SND1: variants seen among roughly 807,000 people sequenced by gnomAD.
The protein encoded by SND1 is staphylococcal nuclease and tudor domain containing 1.
SND1 carries 38 observed loss-of-function variants against 121.7 expected under a neutral mutation model. The ratio of observed to expected loss-of-function variants is 0.31; its 90% CI spans 0.24 to 0.41. The LOEUF (loss-of-function observed/expected upper bound fraction) is 0.41, where lower values mean the gene tolerates loss of function less well. Ranked by LOEUF, SND1 falls within the 10% of genes least tolerant of loss-of-function variation. The pLI, the probability that SND1 is intolerant of heterozygous loss-of-function variation, is 1.00. For synonymous variants in SND1, 401 were observed against 447.4 expected, an observed-to-expected ratio of 0.90 and a Z score of 1.31; for missense variants, 868 against 1,184.6, an observed-to-expected ratio of 0.73 and a Z score of 3.92.
intron 1 of SND1, among the ~76,000 whole-genome samples, chr7:127,661,805 G>A (rs2116235973): frequency 6.6e-6 from 1 of 152,118 alleles, no homozygotes; most frequent in East Asian, 1.9e-4. Flanking sequence ...AAGCAGTAGA[G>A]AGGTATGAAG....
chr7:127,985,439 G>A (rs535179352), intron 15 of SND1, among the ~76,000 whole-genome samples: 6 of 152,274 alleles, frequency 3.9e-5, no homozygotes, highest in Middle Eastern at 6.8e-3. Context: ...TGTATTTTTA[G>A]TAGAGGCGGG....
intron 1 of SND1, among the ~76,000 whole-genome samples, chr7:127,683,291 C>T (rs947908645): frequency 5.9e-5 from 9 of 152,188 alleles, no homozygotes; most frequent in Admixed American, 2.0e-4. Context: ...CCATGGCTCA[C>T]TGCAACCTTG....
At chr7:127,938,890 AT>A (rs768370660) in intron 15 of SND1, among the ~76,000 whole-genome samples, 9 of 151,882 alleles carry the variant, frequency 5.9e-5, no homozygotes, top group African/African-American at 9.7e-5. Context: ...TTATTTAATA[AT>A]TTTTTTTTAT....
At chr7:127,863,933 A>AATATACG (rs2116687680) in intron 12 of SND1, among the ~76,000 whole-genome samples, 1 of 152,276 alleles carries the variant, frequency 6.6e-6, no homozygotes, top group African/African-American at 2.4e-5. Flanking sequence ...TGGAGATAGG[A>AATATACG]ATATACGATA....
intron 12 of SND1, among the ~76,000 whole-genome samples, chr7:127,881,003 C>G (rs7809182): frequency 0.3 from 45,096 of 151,968 alleles, 7,307 homozygotes; most frequent in African/African-American, 0.4. Context: ...TGTACCACTG[C>G]AGTATAATAG....
chr7:127,759,497 A>G (rs1797262489), intron 10 of SND1, among the ~76,000 whole-genome samples: 1 of 152,046 alleles, frequency 6.6e-6, no homozygotes, highest in South Asian at 2.1e-4. Flanking sequence ...GATGAGGCTT[A>G]GTTTAAACTA....
At chr7:128,055,407 G>A (rs1308126913) in intron 16 of SND1, among the ~76,000 whole-genome samples, 1 of 152,146 alleles carries the variant, frequency 6.6e-6, no homozygotes, top group African/African-American at 2.4e-5. Flanking sequence ...GCAGAGTAAT[G>A]GCAGCAGGGG....
chr7:127,984,362 A>G (rs1270087086), intron 15 of SND1, among the ~76,000 whole-genome samples: 1 of 152,186 alleles, frequency 6.6e-6, no homozygotes, highest in Non-Finnish European at 1.5e-5. Flanking sequence ...GCTATGCTAT[A>G]CTTTGTTTAA....
Position 127,686,616 on chromosome 7 carries a change from C to T in SND1, c.82C>T (p.Leu28Phe), listed in dbSNP as rs983743859. The part of the protein sequence containing the change: ...TVQRGIIKMV[L>F]SGCAIIVRGQ... ...TCTCTTTCTTCCCCCTACGTAGGTC[C>T]TCTCAGGGTGCGCCATCATTGTCCG... Residue 28 changes from leucine to phenylalanine, a missense_variant, in exon 2 of 24, where the codon CTC (leucine) becomes TTC (phenylalanine). Leu to Phe is a conservative substitution (Grantham distance 22, BLOSUM62 0). Coordinates refer to ENST00000354725, the MANE Select transcript of SND1 (RefSeq NM_014390.4). 2.5e-6 allele frequency: 4 copies of T among 1,613,794 alleles called. No homozygotes were observed. The highest frequency in any genetic ancestry group is 3.4e-6 in the Non-Finnish European group (4 of 1,179,762).
chr7:128,024,871 CG>C (rs907579743), intron 16 of SND1, among the ~76,000 whole-genome samples: 10 of 152,070 alleles, frequency 6.6e-5, no homozygotes, highest in African/African-American at 2.4e-4. Flanking sequence ...ATTGTTGAGC[CG>C]GGTAAGCAAA....
chr7:127,815,658 A>C (rs544297378), intron 11 of SND1, among the ~76,000 whole-genome samples: 2 of 152,264 alleles, frequency 1.3e-5, no homozygotes, highest in East Asian at 3.9e-4. Flanking sequence ...ACCAGCTAGG[A>C]AGAGGCAAGG....
At chr7:127,883,954 C>CTATTT (rs1177855317) in intron 12 of SND1, among the ~76,000 whole-genome samples, 1 of 152,086 alleles carries the variant, frequency 6.6e-6, no homozygotes, top group Non-Finnish European at 1.5e-5. Context: ...TGTAAAGGTA[C>CTATTT]TATTTTACTC....
chr7:127,845,008 A>T (rs1799033491), intron 12 of SND1, among the ~76,000 whole-genome samples: 1 of 152,236 alleles, frequency 6.6e-6, no homozygotes, highest in Non-Finnish European at 1.5e-5. Context: ...ACAGTCAGCC[A>T]GTCCCCAATA....
At chr7:127,777,793 T>C (rs557797183) in intron 10 of SND1, among the ~76,000 whole-genome samples, 1 of 152,306 alleles carries the variant, frequency 6.6e-6, no homozygotes, top group African/African-American at 2.4e-5. Context: ...TTTTTTGCCT[T>C]AGCCTCTTGA....
intron 10 of SND1, among the ~76,000 whole-genome samples, chr7:127,790,583 G>T (rs1173617680): frequency 6.6e-6 from 1 of 152,096 alleles, no homozygotes; most frequent in Non-Finnish European, 1.5e-5. Context: ...AAAAATATAG[G>T]TAATACTTGC....
chr7:127,988,661 G>A (rs1802451918), intron 15 of SND1, among the ~76,000 whole-genome samples: 1 of 152,222 alleles, frequency 6.6e-6, no homozygotes, highest in Non-Finnish European at 1.5e-5. Context: ...AGAATACCAA[G>A]AGAGTGACAA....
At chr7:127,812,750 C>T (rs1204391149) in intron 11 of SND1, among the ~76,000 whole-genome samples, 2 of 152,174 alleles carry the variant, frequency 1.3e-5, no homozygotes, top group Non-Finnish European at 2.9e-5. Flanking sequence ...GAGGAGGACT[C>T]CACCCTTCTC....
At chr7:127,716,242 A>G (rs1796386932) in intron 9 of SND1, among the ~76,000 whole-genome samples, 1 of 152,190 alleles carries the variant, frequency 6.6e-6, no homozygotes, top group Non-Finnish European at 1.5e-5. Context: ...TGTTTCCATA[A>G]AAATCATCAC....
intron 11 of SND1, among the ~76,000 whole-genome samples, chr7:127,822,617 G>GA (rs937852554): frequency 7.2e-5 from 11 of 152,014 alleles, no homozygotes; most frequent in Non-Finnish European, 1.5e-4. Flanking sequence ...AAGATAAAGG[G>GA]AAAAAACCCC....
Sources: allele counts gnomAD v4.1 joint callset (sites outside exome capture counted in the v4.1 genomes callset), GRCh38; gene constraint gnomAD v4.1.1; transcripts MANE v1.5; gene names NCBI Gene and HGNC (gene_info 2026-07-23, HGNC 2026-07-21).